Variants in ATG5 observed in about 807,000 individuals in gnomAD.
ATG5 encodes the protein autophagy protein 5.
Under a neutral mutation model 36.5 loss-of-function variants are expected in ATG5, and 14 were observed. The observed-to-expected ratio is 0.38, with a 90% CI of 0.25 to 0.60. The LOEUF is 0.60. Among genes scored for constraint, ATG5 ranks in the 20% least tolerant of loss-of-function variants. The probability of loss-of-function intolerance (pLI) is 0.60; values close to 1 mark genes in which losing one functional copy is unlikely to be tolerated. For missense variants in ATG5, 195 were observed against 326.7 expected (o/e 0.60, Z 3.11); for synonymous variants, 95 against 101.5 (o/e 0.94, Z 0.38).
chr6:106,225,774 A>T (rs1378617789), intron 6 of ATG5, among the ~76,000 whole-genome samples: 1 of 152,192 alleles, frequency 6.6e-6, no homozygotes, highest in African/African-American at 2.4e-5. Flanking sequence ...CTCAGAGCTC[A>T]CTCAGTGCAA....
At chr6:106,265,824 ATC>A (rs763396393) in intron 5 of ATG5, among the ~76,000 whole-genome samples, 4 of 152,224 alleles carry the variant, frequency 2.6e-5, no homozygotes, top group Non-Finnish European at 5.9e-5. Context: ...ACGTACCAGA[ATC>A]TCTGAGACAC....
intron 6 of ATG5, among the ~76,000 whole-genome samples, chr6:106,224,650 C>G (rs1018822818): frequency 6.6e-6 from 1 of 152,028 alleles, no homozygotes; most frequent in Middle Eastern, 3.4e-3. Flanking sequence ...CCTGGGTGGG[C>G]GGATCACCTG....
chr6:106,196,335 A>G (rs148787092), intron 7 of ATG5, among the ~76,000 whole-genome samples: 375 of 152,336 alleles, frequency 2.5e-3, no homozygotes, highest in African/African-American at 8.5e-3. Flanking sequence ...TTAAAAAGAA[A>G]GAAAACAAAA....
intron 5 of ATG5, among the ~76,000 whole-genome samples, chr6:106,267,232 T>G (rs1161641658): frequency 6.6e-6 from 1 of 152,116 alleles, no homozygotes; most frequent in African/African-American, 2.4e-5. Context: ...ATGAGTGAAC[T>G]CCCATTCACA....
At chr6:106,190,516 G>GTC (rs1366229247) in intron 7 of ATG5, among the ~76,000 whole-genome samples, 1 of 152,120 alleles carries the variant, frequency 6.6e-6, no homozygotes, top group Non-Finnish European at 1.5e-5. Flanking sequence ...TAATTTTTAT[G>GTC]TCTCTCTACT....
chr6:106,292,213 G>A (rs893189375), intron 4 of ATG5, among the ~76,000 whole-genome samples: 1 of 152,118 alleles, frequency 6.6e-6, no homozygotes, highest in African/African-American at 2.4e-5. Context: ...CACTGTTCGT[G>A]ATCAACTAAT....
Position 106,214,941 on chromosome 6 carries a change from T to A in ATG5, c.574-12852A>T, listed in dbSNP as rs185310810. Among the ~76,000 whole-genome samples, 45 of 152,216 alleles carry A rather than the reference T, an allele frequency of 3.0e-4. No individual in the cohort carries two copies. The East Asian group carries it at 7.9e-3, about 27-fold the overall frequency. Reference sequence around the variant, plus strand: ...TAATAATTAGGTAAATTCTCTAAAATTTTCTCCCAAAAGATCTGAAAAATC... The same window carrying A: ...TAATAATTAGGTAAATTCTCTAAAAATTTCTCCCAAAAGATCTGAAAAATC... On this transcript the variant is annotated intron_variant, in intron 6 of 7. Transcript: ENST00000369076.
At chr6:106,302,352 A>C (rs1214419435) in intron 3 of ATG5, among the ~76,000 whole-genome samples, 1 of 152,080 alleles carries the variant, frequency 6.6e-6, no homozygotes, top group Non-Finnish European at 1.5e-5. Context: ...ACCTTTACAC[A>C]CACATCATGC....
chr6:106,229,359 A>G (rs1023775718), intron 6 of ATG5, among the ~76,000 whole-genome samples: 1 of 152,234 alleles, frequency 6.6e-6, no homozygotes. Context: ...GTAAATGGCT[A>G]AGAGAGGAAA....
intron 5 of ATG5, among the ~76,000 whole-genome samples, chr6:106,270,568 T>C (rs1779417404): frequency 6.6e-6 from 1 of 152,232 alleles, no homozygotes; most frequent in Admixed American, 6.5e-5. Context: ...AAAATTCCTA[T>C]ACTAATTTGC....
chr6:106,211,723 C>G (rs1776859737), intron 6 of ATG5, among the ~76,000 whole-genome samples: 2 of 152,070 alleles, frequency 1.3e-5, no homozygotes, highest in Non-Finnish European at 2.9e-5. Context: ...TCCCAAAGAC[C>G]CAAATCCCTG....
intron 6 of ATG5, among the ~76,000 whole-genome samples, chr6:106,214,976 G>T (rs1259850953): frequency 6.6e-6 from 1 of 152,046 alleles, no homozygotes; most frequent in Non-Finnish European, 1.5e-5. Flanking sequence ...CATACCAAGG[G>T]AAGTATAGTT....
At chr6:106,268,952 C>CGTCA (rs1286871615) in intron 5 of ATG5, among the ~76,000 whole-genome samples, 1 of 152,102 alleles carries the variant, frequency 6.6e-6, no homozygotes, top group Non-Finnish European at 1.5e-5. Context: ...ACATAGATGA[C>CGTCA]GGGTTGATAG....
rs572425565 is a variant in ATG5, at chr6:106,193,238, T to G, written c.692-6562A>C. Among the ~76,000 whole-genome samples the G allele has an allele frequency of 5.9e-5, 9 of 152,294 alleles. No homozygotes were observed. The South Asian group carries it at 1.9e-3, about 32-fold the overall frequency. On this transcript the variant is annotated intron_variant, in intron 7 of 7. Transcript: ENST00000369076. Reference sequence around the variant, plus strand: ...CAAACCCATTTAAAAATACTTACATTAACTTCTTCCGGATGCATACTCACT... The same window carrying G: ...CAAACCCATTTAAAAATACTTACATGAACTTCTTCCGGATGCATACTCACT...
rs367765951 is a variant in ATG5 at position 106,308,506 on chromosome 6, T to C, written c.109-15A>G. The C allele has an allele frequency of 4.6e-6, 7 of 1,526,752 alleles. No homozygotes were observed. Among genetic ancestry groups the C allele is most frequent in the Non-Finnish European group, 5.3e-6 (6 of 1,135,854 alleles). 94.6% of individuals were successfully genotyped at this position (1,526,752 alleles called of 1,614,324 possible). ...GGCAAAAGCAACTGAAATGAAAATT[T>C]GTAAAACCGTATTTATTTACTAGTT... is the stretch of plus-strand genomic sequence containing the variant. On this transcript the variant is annotated splice_polypyrimidine_tract_variant and intron_variant, in intron 2 of 7. Coordinates refer to ENST00000369076, the MANE Select transcript of ATG5 (RefSeq NM_004849.4).
chr6:106,204,524 A>T (rs1205766642), intron 6 of ATG5, among the ~76,000 whole-genome samples: 4 of 152,136 alleles, frequency 2.6e-5, no homozygotes, highest in African/African-American at 4.8e-5. Context: ...TCCAAATCTC[A>T]TCTCAAATTG....
intron 6 of ATG5, among the ~76,000 whole-genome samples, chr6:106,220,384 T>C (rs891783811): frequency 6.6e-6 from 1 of 152,056 alleles, no homozygotes; most frequent in Admixed American, 6.6e-5. Flanking sequence ...CAAAAAACCT[T>C]GAAAATTTAA....
intron 5 of ATG5, among the ~76,000 whole-genome samples, chr6:106,270,412 A>C (rs1424659064): frequency 6.6e-6 from 1 of 152,210 alleles, no homozygotes; most frequent in African/African-American, 2.4e-5. Flanking sequence ...CTTCCTGCAA[A>C]ACGTACTACA....
intron 3 of ATG5, among the ~76,000 whole-genome samples, chr6:106,304,457 T>G (rs530875737): frequency 6.6e-6 from 1 of 152,082 alleles, no homozygotes; most frequent in Non-Finnish European, 1.5e-5. Context: ...AATAAACAAT[T>G]TGTGGTATAA....
Sources: gnomAD v4.1 joint callset for allele counts (sites outside exome capture counted in the v4.1 genomes callset) on GRCh38, gnomAD v4.1.1 for gene constraint, MANE v1.5 for transcripts, NCBI Gene and HGNC (gene_info 2026-07-23, HGNC 2026-07-21) for gene names.